PKP2: variants seen among roughly 807,000 people sequenced by gnomAD.
PKP2 encodes the protein plakophilin 2.
Under a neutral mutation model 83.4 loss-of-function variants are expected in PKP2, and 73 were observed. That is an observed-to-expected ratio of 0.88 (90% CI 0.72 to 1.06). The LOEUF is 1.06. PKP2 is among the 50% of genes least tolerant of loss of function. The pLI, the probability that PKP2 is intolerant of heterozygous loss-of-function variation, is 0.00. For synonymous variants in PKP2, 409 were observed against 430.4 expected, an observed-to-expected ratio of 0.95 and a Z score of 0.62; for missense variants, 966 against 1,065.4, an observed-to-expected ratio of 0.91 and a Z score of 1.30.
chr12:32,848,659 C>T (rs1311252095), intron 5 of PKP2, among the ~76,000 whole-genome samples: 8 of 151,882 alleles, frequency 5.3e-5, no homozygotes, highest in African/African-American at 9.7e-5. Context: ...GAGGAAAGGA[C>T]GGGGGCAAGG....
intron 6 of PKP2, among the ~76,000 whole-genome samples, chr12:32,840,769 C>T (rs1473214680): frequency 1.3e-5 from 2 of 152,074 alleles, no homozygotes; most frequent in Non-Finnish European, 2.9e-5. Flanking sequence ...AAAAAATAAA[C>T]TGTGTAGGCC....
In PKP2 at chr12:32,850,764, A is replaced by T. The variant is rs762103704; in HGVS notation, c.1378+2T>A. 6.2e-7 allele frequency: 1 copy of T among 1,609,280 alleles called. No individual in the cohort carries two copies. The highest frequency in any genetic ancestry group is 8.5e-7 in the Non-Finnish European group (1 of 1,177,214). The stretch of plus-strand genomic sequence containing the variant: ...GGTTCTTCAATGTTCAGTAAGCACT[A>T]CCTGTTATTTGTTTTTTAGTCTCCA... On this transcript the variant is annotated splice_donor_variant, in intron 5 of 12. Coordinates refer to ENST00000340811, the MANE Select transcript of PKP2 (RefSeq NM_001005242.3). LOFTEE classifies it high-confidence loss of function.
At chr12:32,833,320 C>T (rs1245644600) in intron 6 of PKP2, among the ~76,000 whole-genome samples, 1 of 152,114 alleles carries the variant, frequency 6.6e-6, no homozygotes, top group Admixed American at 6.6e-5. Context: ...CAGTAAATTT[C>T]TAAAGTTTGG....
chr12:32,795,131 A>G (rs1956108869), intron 11 of PKP2, among the ~76,000 whole-genome samples: 1 of 152,180 alleles, frequency 6.6e-6, no homozygotes. Context: ...TTCCAATCTC[A>G]TCACTCTAAA....
chr12:32,830,872 C>T (rs1956494499), intron 6 of PKP2, among the ~76,000 whole-genome samples: 1 of 150,658 alleles, frequency 6.6e-6, no homozygotes, highest in Non-Finnish European at 1.5e-5. Context: ...TGCCACTGCA[C>T]TCCAGCCTAG....
chr12:32,826,477 T>C (rs891640645), intron 6 of PKP2, among the ~76,000 whole-genome samples: 1 of 152,156 alleles, frequency 6.6e-6, no homozygotes, highest in African/African-American at 2.4e-5. Context: ...GTTGAGGAGA[T>C]AACATACCTA....
chr12:32,843,407 A>G (rs974299616), intron 5 of PKP2: 5 of 855,508 alleles, frequency 5.8e-6, no homozygotes, highest in Non-Finnish European at 8.9e-6. Context: ...TGTGGCAAAC[A>G]TCACCTCCCC....
intron 4 of PKP2, among the ~76,000 whole-genome samples, chr12:32,867,604 C>T (rs1956860791): frequency 6.6e-6 from 1 of 152,194 alleles, no homozygotes; most frequent in South Asian, 2.1e-4. Context: ...AAGATTAATA[C>T]ATATTGAAGA....
intron 4 of PKP2, 56 bp downstream of exon 4, chr12:32,868,871 C>T (rs879921195): frequency 4.5e-6 from 7 of 1,570,514 alleles, no homozygotes; most frequent in African/African-American, 2.7e-5. Context: ...TGCAAAGTCA[C>T]CATAATAGAA....
At chr12:32,859,600 G>A (rs1592754460) in intron 4 of PKP2, among the ~76,000 whole-genome samples, 1 of 152,054 alleles carries the variant, frequency 6.6e-6, no homozygotes, top group South Asian at 2.1e-4. Flanking sequence ...GGGACTACAG[G>A]TGCATGCCAC....
At position 32,822,447 on chromosome 12, in the gene PKP2, T is replaced by G. The variant is rs769606427; in HGVS notation, c.1839+20A>C. The stretch of plus-strand genomic sequence containing the variant: ...CTCATTCTCTCCCTTTCTCATTCTT[T>G]CAAAAACTTCCCAATATACCTCTTT... On this transcript the variant is annotated intron_variant, in intron 8 of 12. Coordinates refer to ENST00000340811, the MANE Select transcript of PKP2 (RefSeq NM_001005242.3). 1 of 1,609,520 alleles carries G rather than the reference T, an allele frequency of 6.2e-7. No homozygotes were observed. The highest frequency in any genetic ancestry group is 8.5e-7 in the Non-Finnish European group (1 of 1,176,816).
chr12:32,798,615 C>T (rs1257845877), intron 10 of PKP2, among the ~76,000 whole-genome samples: 1 of 152,002 alleles, frequency 6.6e-6, no homozygotes, highest in Non-Finnish European at 1.5e-5. Context: ...ATACTTACAG[C>T]CAACTGATCT....
In PKP2 at chr12:32,792,689, CAGA is replaced by C; in HGVS notation, c.2397_2399del (p.Leu800del). On this transcript the variant is annotated inframe_deletion, in exon 12 of 13. Coordinates refer to ENST00000340811, the MANE Select transcript of PKP2 (RefSeq NM_001005242.3). Reference sequence around the variant, plus strand: ...GTTCCGTGTGTGCCCACAGAGAATACAGAAGGACGGAAGCAGCTTTACTTGCTT... The same window carrying C: ...GTTCCGTGTGTGCCCACAGAGAATACAGGACGGAAGCAGCTTTACTTGCTT... 1 of 1,614,096 alleles carries C rather than the reference CAGA, an allele frequency of 6.2e-7. No individual in the cohort carries two copies. Among genetic ancestry groups the C allele is most frequent in the Non-Finnish European group, 8.5e-7 (1 of 1,179,974 alleles).
At chr12:32,803,091 C>T (rs112151082) in intron 9 of PKP2, among the ~76,000 whole-genome samples, 2,325 of 151,324 alleles carry the variant, frequency 0.015, 52 homozygotes, top group African/African-American at 0.053. Flanking sequence ...ATCTTGGGGC[C>T]GGGTGTGGTG....
At chr12:32,816,548 T>C (rs1359709514) in intron 9 of PKP2, among the ~76,000 whole-genome samples, 1 of 152,186 alleles carries the variant, frequency 6.6e-6, no homozygotes, top group Non-Finnish European at 1.5e-5. Context: ...GTGATGAACA[T>C]ATGAGTGCAC....
chr12:32,834,107 A>G (rs2137811450), intron 6 of PKP2, among the ~76,000 whole-genome samples: 1 of 152,296 alleles, frequency 6.6e-6, no homozygotes, highest in Middle Eastern at 3.4e-3. Flanking sequence ...AAAAATTCCC[A>G]ACTCCCAAGG....
chr12:32,811,943 G>A (rs1427576711), intron 9 of PKP2, among the ~76,000 whole-genome samples: 1 of 152,110 alleles, frequency 6.6e-6, no homozygotes, highest in Non-Finnish European at 1.5e-5. Context: ...ACACAGTTGA[G>A]TCATGCATGC....
chr12:32,872,264 G>A (rs928939830), intron 3 of PKP2, among the ~76,000 whole-genome samples: 5 of 152,158 alleles, frequency 3.3e-5, no homozygotes, highest in Admixed American at 3.3e-4. Flanking sequence ...GGGCGGTGGT[G>A]GCTCATACCT....
chr12:32,825,899 T>C (rs1218586243), intron 6 of PKP2, among the ~76,000 whole-genome samples: 2 of 150,008 alleles, frequency 1.3e-5, no homozygotes, highest in Admixed American at 1.3e-4. Context: ...GTCTAAAAAA[T>C]TAACAAAATA....
Sources: allele counts gnomAD v4.1 joint callset (sites outside exome capture counted in the v4.1 genomes callset), GRCh38; gene constraint gnomAD v4.1.1; transcripts MANE v1.5; gene names NCBI Gene and HGNC (gene_info 2026-07-23, HGNC 2026-07-21).